The following LPP variants were observed in gnomAD, a reference collection of about 807,000 sequenced individuals.
LPP encodes lipoma-preferred partner.
LPP carries 38 observed loss-of-function variants against 60.4 expected under a neutral mutation model. The ratio of observed to expected loss-of-function variants is 0.63; its 90% CI spans 0.49 to 0.83. The LOEUF (loss-of-function observed/expected upper bound fraction) is 0.83. Among genes scored for constraint, LPP ranks in the 40% least tolerant of loss-of-function variants. The pLI, the probability that LPP is intolerant of heterozygous loss-of-function variation, is 0.00. For synonymous variants in LPP, 328 were observed against 290.8 expected, an observed-to-expected ratio of 1.13 and a Z score of -1.30; for missense variants, 902 against 783.6, an observed-to-expected ratio of 1.15 and a Z score of -1.80.
intron 9 of LPP, among the ~76,000 whole-genome samples, chr3:188,809,245 T>A (rs1577695516): frequency 6.6e-6 from 1 of 152,226 alleles, no homozygotes; most frequent in Non-Finnish European, 1.5e-5. Context: ...TCTAGATCCT[T>A]GAGGAATCAC....
chr3:188,677,928 A>G (rs1489849314), intron 7 of LPP, among the ~76,000 whole-genome samples: 1 of 152,102 alleles, frequency 6.6e-6, no homozygotes, highest in Non-Finnish European at 1.5e-5. Context: ...ATGACAGAGG[A>G]CGCTGATACT....
chr3:188,517,138 C>T (rs1415023945), intron 5 of LPP, among the ~76,000 whole-genome samples: 1 of 152,046 alleles, frequency 6.6e-6, no homozygotes, highest in Non-Finnish European at 1.5e-5. Flanking sequence ...CATGCATAAA[C>T]CTATTTAATT....
At chr3:188,743,070 G>A (rs1298179938) in intron 8 of LPP, among the ~76,000 whole-genome samples, 1 of 151,952 alleles carries the variant, frequency 6.6e-6, no homozygotes, top group Non-Finnish European at 1.5e-5. Flanking sequence ...TGATTTTTGT[G>A]CATTTTTTGG....
chr3:188,421,369 CT>C (rs1787753420), intron 4 of LPP, among the ~76,000 whole-genome samples: 1 of 152,094 alleles, frequency 6.6e-6, no homozygotes, highest in Non-Finnish European at 1.5e-5. Context: ...AAGCAGCCAT[CT>C]TTTTATAGCT....
intron 4 of LPP, among the ~76,000 whole-genome samples, chr3:188,480,941 G>A (rs925850468): frequency 6.6e-6 from 1 of 152,188 alleles, no homozygotes; most frequent in Non-Finnish European, 1.5e-5. Context: ...TATTAGAATG[G>A]AGAAGACCTC....
intron 4 of LPP, among the ~76,000 whole-genome samples, chr3:188,454,628 A>G (rs528695701): frequency 6.6e-6 from 1 of 152,286 alleles, no homozygotes; most frequent in South Asian, 2.1e-4. Context: ...GGTTAATTGG[A>G]CTTACAATTC....
chr3:188,815,378 G>A (rs1752183532), intron 9 of LPP, among the ~76,000 whole-genome samples: 1 of 152,140 alleles, frequency 6.6e-6, no homozygotes, highest in Non-Finnish European at 1.5e-5. Context: ...GAACCAAGAT[G>A]TTCAAGGACT....
At chr3:188,706,772 A>G (rs1865558758) in intron 7 of LPP, among the ~76,000 whole-genome samples, 1 of 152,224 alleles carries the variant, frequency 6.6e-6, no homozygotes, top group African/African-American at 2.4e-5. Context: ...TCTTGTAAAC[A>G]TTCTGAAAAG....
intron 9 of LPP, among the ~76,000 whole-genome samples, chr3:188,792,378 C>T (rs1203052451): frequency 6.6e-6 from 1 of 152,222 alleles, no homozygotes; most frequent in Non-Finnish European, 1.5e-5. Context: ...TTACCGCAAG[C>T]TCACTGCCTC....
At chr3:188,736,803 T>G (rs1262440013) in intron 8 of LPP, among the ~76,000 whole-genome samples, 1 of 151,938 alleles carries the variant, frequency 6.6e-6, no homozygotes, top group Non-Finnish European at 1.5e-5. Flanking sequence ...TAAAGAAATA[T>G]ATATTTGAAC....
At chr3:188,411,109 T>A (rs1194988763) in intron 4 of LPP, among the ~76,000 whole-genome samples, 1 of 152,158 alleles carries the variant, frequency 6.6e-6, no homozygotes, top group Non-Finnish European at 1.5e-5. Flanking sequence ...TATACCACAA[T>A]TTTTTATCCA....
At chr3:188,789,686 T>A (rs34785844) in intron 9 of LPP, among the ~76,000 whole-genome samples, 19,569 of 152,136 alleles carry the variant, frequency 0.13, 1,805 homozygotes, top group Non-Finnish European at 0.2. Flanking sequence ...ATAATCAACA[T>A]TGATGCCAAT....
intron 7 of LPP, among the ~76,000 whole-genome samples, chr3:188,633,572 A>C (rs1848210452): frequency 6.6e-6 from 1 of 152,144 alleles, no homozygotes; most frequent in South Asian, 2.1e-4. Flanking sequence ...TTTTCTTCCC[A>C]CAGTGATTTT....
chr3:188,407,762 T>C (rs975247681), intron 4 of LPP, among the ~76,000 whole-genome samples: 6 of 105,990 alleles, frequency 5.7e-5, no homozygotes, highest in African/African-American at 1.7e-4. Context: ...GGCTTCCTCA[T>C]TTATGGTTTT....
chr3:188,679,825 G>A (rs1480494930), intron 7 of LPP, among the ~76,000 whole-genome samples: 5 of 152,000 alleles, frequency 3.3e-5, no homozygotes, highest in African/African-American at 4.8e-5. Flanking sequence ...ATGACTCAGG[G>A]TCATCACCAT....
intron 9 of LPP, among the ~76,000 whole-genome samples, chr3:188,787,523 T>C (rs889297929): frequency 3.3e-5 from 5 of 152,116 alleles, no homozygotes; most frequent in African/African-American, 1.2e-4. Context: ...CCTCTCCACT[T>C]ACACCACACT....
chr3:188,757,889 G>GGTT (rs1553833772), intron 8 of LPP, among the ~76,000 whole-genome samples: 1 of 78,740 alleles, frequency 1.3e-5, no homozygotes, highest in African/African-American at 5.1e-5. Context: ...TGTTTTTTTG[G>GGTT]TTTTTTTTTT....
chr3:188,400,568 C>A (rs1782008304), intron 3 of LPP, among the ~76,000 whole-genome samples: 1 of 152,098 alleles, frequency 6.6e-6, no homozygotes, highest in African/African-American at 2.4e-5. Context: ...ATAAGTGAAA[C>A]CTCTTAGGTT....
At position 188,596,158 on chromosome 3, in the gene LPP, C is replaced by T. The variant is rs187771362; in HGVS notation, c.430-13003C>T. ...CACCCGTTTGCTGTAACCATTTGTG[C>T]TGTGGTTGAAAAAAATTTTTTTAAG... On this transcript the variant is annotated intron_variant, in intron 6 of 11. Transcript: ENST00000617246. Among the ~76,000 whole-genome samples the T allele has an allele frequency of 2.0e-5, 3 of 152,044 alleles. No homozygotes were observed. In the East Asian group the frequency reaches 5.8e-4, roughly 29 times the overall value.
Sources: gnomAD v4.1 joint callset for allele counts (sites outside exome capture counted in the v4.1 genomes callset) on GRCh38, gnomAD v4.1.1 for gene constraint, MANE v1.5 for transcripts, NCBI Gene and HGNC (gene_info 2026-07-23, HGNC 2026-07-21) for gene names.